Variants in PTPRK observed in about 807,000 individuals in gnomAD.
PTPRK encodes protein tyrosine phosphatase receptor type K, also known as receptor-type tyrosine-protein phosphatase kappa.
PTPRK carries 75 observed loss-of-function variants against 178.0 expected under a neutral mutation model. That is an observed-to-expected ratio of 0.42 (90% CI 0.35 to 0.51). PTPRK has a LOEUF of 0.51. PTPRK is among the 20% of genes least tolerant of loss of function. The pLI is 0.02. For missense variants in PTPRK, 1,441 were observed against 1,797.8 expected (o/e 0.80, Z 3.59); for synonymous variants, 637 against 620.6 (o/e 1.03, Z -0.39).
chr6:128,499,393 T>A (rs866990420), intron 1 of PTPRK, among the ~76,000 whole-genome samples: 4 of 152,256 alleles, frequency 2.6e-5, no homozygotes, highest in Non-Finnish European at 5.9e-5. Flanking sequence ...CTTACATATG[T>A]GTAGCTCAAT....
intron 3 of PTPRK, among the ~76,000 whole-genome samples, chr6:128,274,303 G>T (rs2128298977): frequency 6.6e-6 from 1 of 152,196 alleles, no homozygotes; most frequent in South Asian, 2.1e-4. Flanking sequence ...GCTCTGCCTA[G>T]AATTTTTCCC....
At chr6:128,190,792 C>T (rs996712868) in intron 6 of PTPRK, among the ~76,000 whole-genome samples, 11 of 152,142 alleles carry the variant, frequency 7.2e-5, no homozygotes, top group Admixed American at 5.2e-4. Context: ...AGCCACCAGG[C>T]CTGGCCTGGA....
At chr6:127,988,510 G>A (rs1325844814) in intron 21 of PTPRK, among the ~76,000 whole-genome samples, 2 of 151,668 alleles carry the variant, frequency 1.3e-5, no homozygotes, top group African/African-American at 4.8e-5. Flanking sequence ...AAACCATAGT[G>A]CAATTTTAAT....
intron 3 of PTPRK, among the ~76,000 whole-genome samples, chr6:128,292,785 TATTTATTGACTAATTACTTATA>T (rs1823612434): frequency 6.6e-6 from 1 of 152,162 alleles, no homozygotes; most frequent in Non-Finnish European, 1.5e-5. Flanking sequence ...TTAATGTAAT[TATTTATTGACTAATTACTTATA>T]ATTATTTTCA....
chr6:128,144,962 A>C (rs566253164), intron 7 of PTPRK, among the ~76,000 whole-genome samples: 1 of 152,202 alleles, frequency 6.6e-6, no homozygotes, highest in Admixed American at 6.6e-5. Context: ...TCAACAACAA[A>C]TCTCTCTCAG....
chr6:128,138,405 A>G (rs1383537754), intron 7 of PTPRK, among the ~76,000 whole-genome samples: 8 of 152,152 alleles, frequency 5.3e-5, no homozygotes, highest in Admixed American at 2.0e-4. Flanking sequence ...AGCACTGATC[A>G]ACAAGGATGG....
At chr6:128,254,385 G>A (rs534276473) in intron 3 of PTPRK, among the ~76,000 whole-genome samples, 5 of 152,166 alleles carry the variant, frequency 3.3e-5, no homozygotes, top group African/African-American at 9.6e-5. Flanking sequence ...TTTACGAAGA[G>A]ATGTAACAAA....
chr6:128,503,236 A>G (rs1855825818), intron 1 of PTPRK, among the ~76,000 whole-genome samples: 1 of 152,178 alleles, frequency 6.6e-6, no homozygotes, highest in African/African-American at 2.4e-5. Context: ...AAAACAAACA[A>G]ATAAAACCTG....
chr6:128,445,186 C>G (rs975728046), intron 1 of PTPRK, among the ~76,000 whole-genome samples: 1 of 126,618 alleles, frequency 7.9e-6, no homozygotes, highest in Non-Finnish European at 1.7e-5. Flanking sequence ...AGACCCCCAA[C>G]TCTACTATTT....
intron 5 of PTPRK, among the ~76,000 whole-genome samples, chr6:128,234,476 C>G (rs2128280547): frequency 6.6e-6 from 1 of 152,286 alleles, no homozygotes; most frequent in East Asian, 1.9e-4. Context: ...CTGCCCACAT[C>G]CAATTAATCC....
chr6:128,503,842 TTGTG>T (rs57723685), intron 1 of PTPRK, among the ~76,000 whole-genome samples: 3,294 of 139,916 alleles, frequency 0.024, 98 homozygotes, highest in East Asian at 0.089. Flanking sequence ...CTGGTTATTA[TTGTG>T]TGTGTGTGTG....
chr6:128,508,955 AAAAAGAAAAG>A lies in PTPRK; in HGVS notation c.100+11294_100+11303del, dbSNP rs370736080. ...AGTGCGAAACTCCATCTCAAAAAAA[AAAAAGAAAAG>A]AAAAGAAAAGAAAACGAAAAAATTT... On this transcript the variant is annotated intron_variant, in intron 1 of 29. Transcript: ENST00000368226. Among the ~76,000 whole-genome samples the A allele has an allele frequency of 3.8e-3, 584 of 151,700 alleles. 4 individuals carry two copies. Among genetic ancestry groups the A allele is most frequent in the African/African-American group, 0.013 (552 of 41,190 alleles).
At chr6:128,171,048 T>A (rs1237737693) in intron 7 of PTPRK, among the ~76,000 whole-genome samples, 1 of 152,006 alleles carries the variant, frequency 6.6e-6, no homozygotes, top group Non-Finnish European at 1.5e-5. Context: ...TTCTCCCATA[T>A]AATGTATAAT....
intron 27 of PTPRK, among the ~76,000 whole-genome samples, chr6:127,976,315 T>C: frequency 6.6e-6 from 1 of 152,180 alleles, no homozygotes; most frequent in Non-Finnish European, 1.5e-5. Context: ...ATGCCATTTC[T>C]GGGCTGGATG....
In PTPRK at chr6:128,116,137, A is replaced by T. The variant is rs549801446; in HGVS notation, c.1163-26145T>A. Among the ~76,000 whole-genome samples, 92 of 152,206 alleles carry T rather than the reference A, an allele frequency of 6.0e-4. 1 individual carries two copies. The highest frequency in any genetic ancestry group is 1.1e-3 in the Non-Finnish European group (75 of 67,978). ...CTCCTAATTATATCTTCTATACTTG[A>T]TGGTCTAATCTGCCTTTTATTTACA... On this transcript the variant is annotated intron_variant, in intron 7 of 29. Coordinates refer to ENST00000368226, the MANE Select transcript of PTPRK (RefSeq NM_002844.4).
intron 15 of PTPRK, chr6:128,000,129 C>G (rs1401581764): frequency 2.0e-6 from 2 of 985,774 alleles, no homozygotes; most frequent in Non-Finnish European, 2.4e-6. Flanking sequence ...AAGCATTATA[C>G]CGTCATACTC....
chr6:128,434,840 C>T (rs1845298220), intron 1 of PTPRK, among the ~76,000 whole-genome samples: 1 of 151,090 alleles, frequency 6.6e-6, no homozygotes, highest in Non-Finnish European at 1.5e-5. Flanking sequence ...GGCAAAATAG[C>T]AAGAATCTGT....
At chr6:128,080,660 G>C (rs1309572952) in intron 10 of PTPRK, among the ~76,000 whole-genome samples, 2 of 151,890 alleles carry the variant, frequency 1.3e-5, no homozygotes, top group African/African-American at 4.8e-5. Context: ...TCCCCCAACA[G>C]TTATGCCTGC....
chr6:128,477,224 G>T (rs1339282453), intron 1 of PTPRK, among the ~76,000 whole-genome samples: 3 of 152,050 alleles, frequency 2.0e-5, no homozygotes, highest in African/African-American at 7.2e-5. Context: ...GTAACTAGCA[G>T]ATGTATTATA....
Sources: allele counts gnomAD v4.1 joint callset (sites outside exome capture counted in the v4.1 genomes callset), GRCh38; gene constraint gnomAD v4.1.1; transcripts MANE v1.5; gene names NCBI Gene and HGNC (gene_info 2026-07-23, HGNC 2026-07-21).